Variants in MYO16 observed in about 807,000 individuals in gnomAD.
MYO16 encodes myosin XVI.
A neutral mutation model predicts 205.3 loss-of-function variants in MYO16; 94 were observed. That is an observed-to-expected ratio of 0.46 (90% CI 0.39 to 0.54). The LOEUF is 0.54. MYO16 is among the 20% of genes least tolerant of loss of function. The pLI is 0.00. For synonymous variants in MYO16, 988 were observed against 954.0 expected (o/e 1.04, Z -0.66); for missense variants, 2,315 against 2,387.5 (o/e 0.97, Z 0.63).
At chr13:109,168,247 G>A (rs9514998) in intron 33 of MYO16, among the ~76,000 whole-genome samples, 152,265 of 152,266 alleles carry the variant, frequency 1, 76,132 homozygotes, top group Middle Eastern at 1. Flanking sequence ...ACTTTAAAAG[G>A]CTTATTTAAT....
At chr13:108,534,354 C>T in the MYO16 span, among the ~76,000 whole-genome samples, 1 of 152,076 alleles carries the variant, frequency 6.6e-6, no homozygotes, top group African/African-American at 2.4e-5. Context: ...GGAAAGCTGT[C>T]TTTAGTTTTG....
the MYO16 span, among the ~76,000 whole-genome samples, chr13:108,574,225 C>A: frequency 6.6e-6 from 1 of 152,148 alleles, no homozygotes; most frequent in African/African-American, 2.4e-5. Flanking sequence ...CTAATGACGT[C>A]CTTCATGACT....
At chr13:109,166,439 G>A (rs519394) in intron 33 of MYO16, among the ~76,000 whole-genome samples, 152,085 of 152,366 alleles carry the variant, frequency 1, 75,903 homozygotes, top group East Asian at 1. Context: ...GAAGCAAAAG[G>A]GAAGAATGGA....
the MYO16 span, among the ~76,000 whole-genome samples, chr13:108,582,837 G>A: frequency 3.9e-5 from 6 of 152,124 alleles, no homozygotes; most frequent in African/African-American, 1.2e-4. Context: ...AAGTTTCCGA[G>A]TACTCCTGGA....
chr13:109,029,005 G>A (rs1886459032), intron 23 of MYO16, among the ~76,000 whole-genome samples: 1 of 151,500 alleles, frequency 6.6e-6, no homozygotes, highest in Non-Finnish European at 1.5e-5. Flanking sequence ...TGTTATGCAG[G>A]TCCCCGAGTA....
At chr13:108,655,859 G>C (rs1021318718) in intron 1 of MYO16, among the ~76,000 whole-genome samples, 1 of 152,006 alleles carries the variant, frequency 6.6e-6, no homozygotes, top group Admixed American at 6.5e-5. Flanking sequence ...CCTTTGTTTT[G>C]GCCAGTTTCT....
chr13:108,763,982 A>G (rs1885699260), intron 4 of MYO16, among the ~76,000 whole-genome samples: 2 of 152,208 alleles, frequency 1.3e-5, no homozygotes, highest in African/African-American at 4.8e-5. Context: ...ACTCGATTCA[A>G]AAGGAAAGCC....
At chr13:109,172,056 G>C (rs551335) in intron 33 of MYO16, among the ~76,000 whole-genome samples, 43,601 of 152,024 alleles carry the variant, frequency 0.29, 7,555 homozygotes, top group East Asian at 0.53. Flanking sequence ...CCATTAGGGC[G>C]CCAAACCACA....
chr13:108,951,726 G>A (rs1464724230), intron 16 of MYO16, among the ~76,000 whole-genome samples: 1 of 152,144 alleles, frequency 6.6e-6, no homozygotes, highest in African/African-American at 2.4e-5. Context: ...CAGATTTCTG[G>A]TGAGGAAAGA....
intron 11 of MYO16, 97 bp downstream of exon 11, chr13:108,855,650 T>C (rs1878130570): frequency 1.3e-6 from 1 of 777,382 alleles, no homozygotes. Flanking sequence ...AAGGGCTCAT[T>C]GGAGCTTCTG....
the MYO16 span, among the ~76,000 whole-genome samples, chr13:108,500,966 C>T: frequency 6.6e-6 from 1 of 152,138 alleles, no homozygotes; most frequent in Non-Finnish European, 1.5e-5. Context: ...GGTGCTTGTT[C>T]TCTACGTGGA....
At chr13:108,818,290 A>C (rs780314344) in intron 7 of MYO16, among the ~76,000 whole-genome samples, 2 of 152,004 alleles carry the variant, frequency 1.3e-5, no homozygotes, top group African/African-American at 2.4e-5. Context: ...AGGCTGAGAC[A>C]TGAGAATCGC....
intron 7 of MYO16, among the ~76,000 whole-genome samples, chr13:108,818,299 G>A (rs1188667242): frequency 9.9e-5 from 15 of 151,748 alleles, no homozygotes; most frequent in South Asian, 2.1e-4. Flanking sequence ...CATGAGAATC[G>A]CTTGAACCTG....
chr13:109,012,670 C>T, intron 22 of MYO16, among the ~76,000 whole-genome samples: 1 of 151,814 alleles, frequency 6.6e-6, no homozygotes, highest in Non-Finnish European at 1.5e-5. Flanking sequence ...ACCATGTGGT[C>T]AGAAGGTATT....
At chr13:108,749,353 G>A (rs1361939848) in intron 4 of MYO16, among the ~76,000 whole-genome samples, 1 of 152,070 alleles carries the variant, frequency 6.6e-6, no homozygotes, top group Non-Finnish European at 1.5e-5. Context: ...TTTACTCTCT[G>A]TTCCTATGAA....
intron 4 of MYO16, among the ~76,000 whole-genome samples, chr13:108,728,297 C>T (rs899514174): frequency 1.3e-5 from 2 of 152,156 alleles, no homozygotes; most frequent in Admixed American, 1.3e-4. Flanking sequence ...TACACAAAAG[C>T]AAACTGATGC....
intron 16 of MYO16, among the ~76,000 whole-genome samples, chr13:108,915,442 T>G (rs1881455317): frequency 6.6e-6 from 1 of 152,118 alleles, no homozygotes; most frequent in Non-Finnish European, 1.5e-5. Context: ...TTACCAAAAG[T>G]TTCTTTTTCA....
At chr13:109,040,385 C>CAGAGAGAG (rs146955371) in intron 23 of MYO16, among the ~76,000 whole-genome samples, 28 of 113,288 alleles carry the variant, frequency 2.5e-4, no homozygotes, top group African/African-American at 4.2e-4. Context: ...CACACACACA[C>CAGAGAGAG]AGAGAGAGAG....
intron 27 of MYO16, among the ~76,000 whole-genome samples, chr13:109,084,729 C>T (rs1470798077): frequency 6.6e-6 from 1 of 151,526 alleles, no homozygotes; most frequent in Admixed American, 6.6e-5. Context: ...TCCTTCCTTC[C>T]CTTCCTTCCT....
Sources: gnomAD v4.1 joint callset for allele counts (sites outside exome capture counted in the v4.1 genomes callset) on GRCh38, gnomAD v4.1.1 for gene constraint, MANE v1.5 for transcripts, NCBI Gene and HGNC (gene_info 2026-07-23, HGNC 2026-07-21) for gene names.